RNF216: variants seen among roughly 807,000 people sequenced by gnomAD.
RNF216 encodes ring finger protein 216, also known as E3 ubiquitin-protein ligase RNF216.
RNF216 carries 72 observed loss-of-function variants against 110.8 expected under a neutral mutation model. The observed-to-expected ratio is 0.65, with a 90% confidence interval of 0.54 to 0.79. RNF216 has a LOEUF of 0.79. Ranked by LOEUF, RNF216 falls within the 30% of genes least tolerant of loss-of-function variation. The pLI, the probability that RNF216 is intolerant of heterozygous loss-of-function variation, is 0.00. For synonymous variants in RNF216, 495 were observed against 407.5 expected (o/e 1.21, Z -2.59); for missense variants, 1,342 against 1,141.2 (o/e 1.18, Z -2.54).
At chr7:5,691,133 C>A (rs1451744420) in intron 13 of RNF216, among the ~76,000 whole-genome samples, 2 of 152,310 alleles carry the variant, frequency 1.3e-5, no homozygotes, top group East Asian at 3.9e-4. Flanking sequence ...ATTTCTCTAA[C>A]CGTGTGTGTA....
Position 5,716,775 on chromosome 7 carries a change from C to A in RNF216, c.1645-9G>T. ...AGCAAAAAGTCTTCATGCTGAAGAACAAAAAAGGCACACATTCAGACACAA... is the reference window on the plus strand; with the variant it reads ...AGCAAAAAGTCTTCATGCTGAAGAAAAAAAAAGGCACACATTCAGACACAA... On this transcript the variant is annotated splice_polypyrimidine_tract_variant and intron_variant, in intron 9 of 16. Coordinates refer to ENST00000389902, the MANE Select transcript of RNF216 (RefSeq NM_207111.4). 1 of 1,599,982 alleles carries A rather than the reference C, an allele frequency of 6.3e-7. No homozygotes were observed. Among genetic ancestry groups the A allele is most frequent in the Non-Finnish European group, 8.5e-7 (1 of 1,172,740 alleles).
Position 5,721,126 on chromosome 7 carries a change from T to C in RNF216, c.1551A>G (p.Arg517=). ...GTCGGTCATAGGACCTACAATGTCG[T>C]CGCTTATTTTCAAGAAAGAACATCC... is the stretch of plus-strand genomic sequence containing the variant. The part of the protein sequence containing the change: ...EKRMFFLENK[R]RHCRSYDRRA... Residue 517 remains arginine, a synonymous_variant, in exon 9 of 17, where the codon CGA becomes CGG. Transcript: ENST00000389902. 1 of 1,613,912 alleles carries C rather than the reference T, an allele frequency of 6.2e-7. No homozygotes were observed. Among genetic ancestry groups the C allele is most frequent in the Non-Finnish European group, 8.5e-7 (1 of 1,179,820 alleles).
At chr7:5,667,075 G>C (rs1417178586) in intron 13 of RNF216, among the ~76,000 whole-genome samples, 1 of 152,088 alleles carries the variant, frequency 6.6e-6, no homozygotes, top group African/African-American at 2.4e-5. Flanking sequence ...CCATATGCTG[G>C]GATTACAGTT....
chr7:5,712,875 C>G lies in RNF216; in HGVS notation c.1834-12G>C. ...CAGCTGAGCTCCAACTAGAAAAAGG[C>G]GAAAAGGCAAAGAAAAAAAAATCAA... On this transcript the variant is annotated splice_polypyrimidine_tract_variant and intron_variant, in intron 11 of 16. Transcript: ENST00000389902. 6 of 1,580,846 alleles carry G rather than the reference C, an allele frequency of 3.8e-6. No homozygotes were observed. Among genetic ancestry groups the G allele is most frequent in the Non-Finnish European group, 5.1e-6 (6 of 1,166,616 alleles).
rs149426232 is a variant in RNF216 at position 5,666,258 on chromosome 7, A to T, written c.2062-13748T>A. 3.4e-3 allele frequency among the ~76,000 whole-genome samples: 513 copies of T among 152,248 alleles called. 3 individuals are homozygous for T. The highest frequency in any genetic ancestry group is 5.6e-3 in the South Asian group (27 of 4,818). On this transcript the variant is annotated intron_variant, in intron 13 of 16. Coordinates refer to ENST00000389902, the MANE Select transcript of RNF216 (RefSeq NM_207111.4). ...TGCAGTGGGGACACACATTAAGTGT[A>T]ATATACAGTTAAGACATGATTGTAA... is the stretch of plus-strand genomic sequence containing the variant.
chr7:5,646,702 AAAAG>A (rs1318340927), intron 14 of RNF216, among the ~76,000 whole-genome samples: 15 of 152,208 alleles, frequency 9.9e-5, no homozygotes, highest in East Asian at 9.6e-4. Context: ...AAAAAAAAAA[AAAAG>A]AAAGTTATTT....
intron 3 of RNF216, among the ~76,000 whole-genome samples, chr7:5,751,310 G>C (rs753168314): frequency 6.6e-6 from 1 of 152,146 alleles, no homozygotes; most frequent in African/African-American, 2.4e-5. Context: ...GTCAGGTCCT[G>C]GGTGAAAGCC....
intron 13 of RNF216, among the ~76,000 whole-genome samples, chr7:5,671,662 G>A (rs544032464): frequency 6.6e-6 from 1 of 152,156 alleles, no homozygotes; most frequent in African/African-American, 2.4e-5. Flanking sequence ...AAAATCAGCT[G>A]GGCGCGGTGG....
intron 2 of RNF216, among the ~76,000 whole-genome samples, chr7:5,753,474 G>A (rs1795439837): frequency 6.6e-6 from 1 of 152,202 alleles, no homozygotes; most frequent in South Asian, 2.1e-4. Flanking sequence ...CAATGCTTTA[G>A]TCAAGCACCC....
At chr7:5,651,553 G>A (rs959925091) in intron 14 of RNF216, among the ~76,000 whole-genome samples, 2 of 152,092 alleles carry the variant, frequency 1.3e-5, no homozygotes, top group East Asian at 1.9e-4. Flanking sequence ...TCTGAATAAC[G>A]TCAGGAGATA....
intron 13 of RNF216, among the ~76,000 whole-genome samples, chr7:5,674,258 G>T (rs891278288): frequency 9.2e-5 from 14 of 152,022 alleles, no homozygotes; most frequent in Non-Finnish European, 1.5e-5. Flanking sequence ...TCACACTCCT[G>T]ACCTCATGAT....
intron 3 of RNF216, among the ~76,000 whole-genome samples, chr7:5,748,654 ACAC>A (rs1176200549): frequency 2.0e-5 from 3 of 146,984 alleles, no homozygotes; most frequent in African/African-American, 5.1e-5. Flanking sequence ...ACACACACAC[ACAC>A]ATAATATACT....
At chr7:5,679,469 G>A (rs994464288) in intron 13 of RNF216, among the ~76,000 whole-genome samples, 3 of 152,258 alleles carry the variant, frequency 2.0e-5, no homozygotes, top group Non-Finnish European at 2.9e-5. Context: ...CAAGTGTAAC[G>A]AGGCTGTTGG....
intron 14 of RNF216, among the ~76,000 whole-genome samples, chr7:5,646,984 T>G (rs935356350): frequency 1.3e-5 from 2 of 152,222 alleles, no homozygotes; most frequent in Non-Finnish European, 2.9e-5. Context: ...GACATGTACG[T>G]AGTCTTCTAG....
intron 13 of RNF216, among the ~76,000 whole-genome samples, chr7:5,678,782 AGGTGAC>A (rs1790467351): frequency 6.6e-6 from 1 of 152,228 alleles, no homozygotes; most frequent in African/African-American, 2.4e-5. Flanking sequence ...CTCACACAGA[AGGTGAC>A]GGAGCAGATT....
chr7:5,693,063 C>T (rs1791429804), intron 13 of RNF216, among the ~76,000 whole-genome samples: 1 of 152,218 alleles, frequency 6.6e-6, no homozygotes, highest in African/African-American at 2.4e-5. Context: ...GAGACAGCTC[C>T]ATATTTGCAC....
chr7:5,657,925 C>T (rs1381985205), intron 13 of RNF216, among the ~76,000 whole-genome samples: 5 of 152,180 alleles, frequency 3.3e-5, no homozygotes, highest in Non-Finnish European at 7.3e-5. Flanking sequence ...TTTCCTAGGT[C>T]AAGAATGCAC....
intron 13 of RNF216, among the ~76,000 whole-genome samples, chr7:5,699,038 T>C (rs901864238): frequency 3.3e-5 from 5 of 152,072 alleles, no homozygotes; most frequent in Non-Finnish European, 7.4e-5. Flanking sequence ...TTTGACTTGT[T>C]TTTTTTAAAA....
At chr7:5,661,947 G>A (rs1789173406) in intron 13 of RNF216, among the ~76,000 whole-genome samples, 1 of 152,168 alleles carries the variant, frequency 6.6e-6, no homozygotes. Flanking sequence ...GTGCCCACAT[G>A]GCGTTTGCTA....
Sources: allele counts gnomAD v4.1 joint callset (sites outside exome capture counted in the v4.1 genomes callset), GRCh38; gene constraint gnomAD v4.1.1; transcripts MANE v1.5; gene names NCBI Gene and HGNC (gene_info 2026-07-23, HGNC 2026-07-21).